Variants in CUX2 observed in about 807,000 individuals in gnomAD.
CUX2 encodes cut like homeobox 2, also known as homeobox protein cut-like 2.
A neutral mutation model predicts 144.8 loss-of-function variants in CUX2; 40 were observed. The ratio of observed to expected loss-of-function variants is 0.28; its 90% CI spans 0.21 to 0.36. The LOEUF (loss-of-function observed/expected upper bound fraction) is 0.36, where lower values mean the gene tolerates loss of function less well. Among genes scored for constraint, CUX2 ranks in the 10% least tolerant of loss-of-function variants. CUX2 has a pLI of 1.00. For missense variants in CUX2, 1,615 were observed against 1,994.0 expected (o/e 0.81, Z 3.62); for synonymous variants, 827 against 875.6 (o/e 0.94, Z 0.98).
chr12:111,342,137 C>T (rs1020328595), intron 21 of CUX2, 84 bp downstream of exon 21: 2 of 1,481,582 alleles, frequency 1.3e-6, no homozygotes, highest in Admixed American at 2.1e-5. Context: ...GAGGGAGCCC[C>T]ACATGGCCTC....
chr12:111,300,719 T>C (rs1886248306), intron 9 of CUX2, among the ~76,000 whole-genome samples: 1 of 152,176 alleles, frequency 6.6e-6, no homozygotes, highest in Non-Finnish European at 1.5e-5. Context: ...TGAATGAGCA[T>C]GGCTGTATTC....
At chr12:111,344,987 T>A (rs1349786842) in intron 21 of CUX2, among the ~76,000 whole-genome samples, 1 of 152,120 alleles carries the variant, frequency 6.6e-6, no homozygotes, top group Non-Finnish European at 1.5e-5. Flanking sequence ...CAGGGTAGTC[T>A]AGAACTCCTG....
intron 1 of CUX2, among the ~76,000 whole-genome samples, chr12:111,136,958 G>C (rs1490979564): frequency 6.7e-6 from 1 of 148,488 alleles, no homozygotes; most frequent in Non-Finnish European, 1.5e-5. Context: ...TTTTTTTTGA[G>C]ACAGGGTCTC....
chr12:111,085,672 C>T lies in CUX2; in HGVS notation c.63+51432C>T, dbSNP rs115652564. On this transcript the variant is annotated intron_variant, in intron 1 of 21. Transcript: ENST00000261726. ...TCCTGTCTCCCCTAGAGAAGTGTTC[C>T]GGGACCATTTTTGCCACAGCACATC... 5.3e-3 allele frequency among the ~76,000 whole-genome samples: 802 copies of T among 152,310 alleles called. 10 individuals are homozygous for T. Among genetic ancestry groups the T allele is most frequent in the African/African-American group, 0.018 (737 of 41,578 alleles).
chr12:111,271,723 C>A (rs1201900630), intron 4 of CUX2, among the ~76,000 whole-genome samples: 1 of 152,210 alleles, frequency 6.6e-6, no homozygotes, highest in Non-Finnish European at 1.5e-5. Flanking sequence ...CACTAAATAT[C>A]TTTTCATATG....
intron 1 of CUX2, among the ~76,000 whole-genome samples, chr12:111,115,718 G>A (rs1257732358): frequency 6.6e-6 from 1 of 152,076 alleles, no homozygotes; most frequent in East Asian, 1.9e-4. Context: ...CGATGATCCA[G>A]CTCCTGTTAT....
chr12:111,216,941 C>G (rs1174400217), intron 2 of CUX2, among the ~76,000 whole-genome samples: 1 of 152,210 alleles, frequency 6.6e-6, no homozygotes, highest in Non-Finnish European at 1.5e-5. Context: ...CCCCTCCCCA[C>G]CCTATCTAGT....
intron 1 of CUX2, among the ~76,000 whole-genome samples, chr12:111,060,698 A>T (rs1401852154): frequency 6.6e-6 from 1 of 152,146 alleles, no homozygotes; most frequent in African/African-American, 2.4e-5. Context: ...GAGACGAGCA[A>T]ATTCCCTTTC....
chr12:111,301,259 C>A, intron 9 of CUX2, among the ~76,000 whole-genome samples: 1 of 152,094 alleles, frequency 6.6e-6, no homozygotes, highest in East Asian at 1.9e-4. Flanking sequence ...AGGATAATAA[C>A]CACACCAGTT....
chr12:111,294,345 T>C (rs779365610), intron 6 of CUX2, among the ~76,000 whole-genome samples: 15 of 152,240 alleles, frequency 9.9e-5, no homozygotes, highest in Non-Finnish European at 1.8e-4. Context: ...TGACCTCAAG[T>C]GATCCTCCCG....
intron 8 of CUX2, 36 bp from the exon 9 acceptor site, chr12:111,298,505 G>A (rs1886128634): frequency 1.3e-6 from 2 of 1,554,488 alleles, no homozygotes; most frequent in Non-Finnish European, 1.7e-6. Context: ...GAGCCCGCCG[G>A]AAGCCCTTCC....
chr12:111,312,161 T>G lies in CUX2; in HGVS notation c.1962T>G (p.Ile654Met). 2 of 1,611,886 alleles carry G rather than the reference T, an allele frequency of 1.2e-6. No individual in the cohort carries two copies. Among genetic ancestry groups the G allele is most frequent in the Non-Finnish European group, 1.7e-6 (2 of 1,178,516 alleles). ...GCTCAGACGACGCCATCAAGAGCAT[T>G]CTAGAGCAGGCCAAGAAGGAGATCG... Reference protein sequence around the residue: ...ETGSDDAIKSILEQAKKEIES... With the variant: ...ETGSDDAIKSMLEQAKKEIES... Residue 654 changes from isoleucine (I) to methionine (M), a missense_variant, in exon 16 of 22, where the codon ATT (isoleucine) becomes ATG (methionine). Coordinates refer to ENST00000261726, the MANE Select transcript of CUX2 (RefSeq NM_015267.4). This position sits in a 1 kb window ranked among gnomAD's most constrained non-coding sequence, Gnocchi z 4.3.
intron 1 of CUX2, among the ~76,000 whole-genome samples, chr12:111,211,425 G>A (rs908340291): frequency 5.3e-5 from 8 of 152,198 alleles, no homozygotes; most frequent in Non-Finnish European, 7.3e-5. Flanking sequence ...GAGGGAGTCA[G>A]GCATAATTGT....
intron 1 of CUX2, among the ~76,000 whole-genome samples, chr12:111,166,171 A>G (rs1335145258): frequency 1.3e-5 from 2 of 152,152 alleles, no homozygotes; most frequent in Admixed American, 6.5e-5. Context: ...GGTGTGCACT[A>G]TCACACCTGA....
At chr12:111,240,439 A>G (rs1034326252) in intron 3 of CUX2, among the ~76,000 whole-genome samples, 1 of 152,218 alleles carries the variant, frequency 6.6e-6, no homozygotes, top group Non-Finnish European at 1.5e-5. Context: ...CCCCCACAGC[A>G]CTCAAGCTAA....
chr12:111,218,331 T>G (rs939255398), intron 3 of CUX2, among the ~76,000 whole-genome samples: 6 of 151,894 alleles, frequency 4.0e-5, no homozygotes, highest in Non-Finnish European at 1.5e-5. Context: ...CTAGGCAGCA[T>G]AGCAAGACCC....
At chr12:111,296,080 G>A (rs1023313998) in intron 7 of CUX2, among the ~76,000 whole-genome samples, 1 of 152,138 alleles carries the variant, frequency 6.6e-6, no homozygotes, top group Non-Finnish European at 1.5e-5. Flanking sequence ...CGGGGTGGTT[G>A]AACACCTCGG....
chr12:111,081,252 C>T (rs1213667243), intron 1 of CUX2, among the ~76,000 whole-genome samples: 5 of 152,192 alleles, frequency 3.3e-5, no homozygotes, highest in African/African-American at 7.2e-5. Flanking sequence ...CTTTCTCGAG[C>T]GGTGTCTCAA....
At chr12:111,258,775 T>C (rs1883962735) in intron 3 of CUX2, among the ~76,000 whole-genome samples, 1 of 152,156 alleles carries the variant, frequency 6.6e-6, no homozygotes, top group Non-Finnish European at 1.5e-5. Context: ...AGCCTCGAAC[T>C]CCTGGGCTCA....
Sources: allele counts gnomAD v4.1 joint callset (sites outside exome capture counted in the v4.1 genomes callset), GRCh38; gene constraint gnomAD v4.1.1; non-coding constraint Gnocchi (gnomAD v3.1); transcripts MANE v1.5; gene names NCBI Gene and HGNC (gene_info 2026-07-23, HGNC 2026-07-21).